Variants in USP32 observed in about 807,000 individuals in gnomAD.
The protein encoded by USP32 is ubiquitin carboxyl-terminal hydrolase 32.
Under a neutral mutation model 204.8 loss-of-function variants are expected in USP32, and 59 were observed. That is an observed-to-expected ratio of 0.29 (90% CI 0.23 to 0.36). The LOEUF is 0.36. USP32 is among the 10% of genes least tolerant of loss of function. USP32 has a pLI of 1.00. For missense variants in USP32, 1,160 were observed against 1,946.4 expected (o/e 0.60, Z 7.60); for synonymous variants, 517 against 678.4 (o/e 0.76, Z 3.70).
At chr17:60,342,442 A>C (rs965742716) in intron 2 of USP32, among the ~76,000 whole-genome samples, 1 of 152,206 alleles carries the variant, frequency 6.6e-6, no homozygotes, top group African/African-American at 2.4e-5. Flanking sequence ...ATGCCGGGAG[A>C]GCCACTGCTC....
chr17:60,214,706 G>A lies in USP32; in HGVS notation c.1936C>T (p.Gln646Ter). ...LAYTGCFSRM[Q>*]TIKEIHEYLS... ...TATTCGTGAATTTCCTTGATGGTCT[G>A]CATTCGACTAAAACAGCCTGTATAG... Residue 646 changes from glutamine (Q) to a stop codon, truncating the protein, a stop_gained, in exon 17 of 34, where the codon CAG (glutamine) becomes TAG (stop). Transcript: ENST00000300896. LOFTEE classifies it high-confidence loss of function. 1 of 1,613,818 alleles carries A rather than the reference G, an allele frequency of 6.2e-7. No individual in the cohort carries two copies. The highest frequency in any genetic ancestry group is 1.7e-5 in the Admixed American group (1 of 60,006).
Position 60,226,195 on chromosome 17 carries a change from A to T in USP32, c.1276T>A (p.Leu426Met). ...CCAAATGAGTATTTTCCTCCATTCA[A>T]AACAGATGATGGCTCAATTACCACA... Reference protein sequence around the residue: ...NPVVIEPSSVLNGGKYSFGTA... With the variant: ...NPVVIEPSSVMNGGKYSFGTA... The change falls in exon 13 of 34, where the codon TTG (leucine) becomes ATG (methionine). Residue 426 changes from leucine to methionine, a missense_variant. This residue lies in a region of USP32 where 536 missense variants were observed against 680.9 expected (regional missense o/e 0.79). Coordinates refer to ENST00000300896, the MANE Select transcript of USP32 (RefSeq NM_032582.4). 2 of 1,570,192 alleles carry T rather than the reference A, an allele frequency of 1.3e-6. No individual in the cohort carries two copies. Among genetic ancestry groups the T allele is most frequent in the Admixed American group, 4.1e-5 (2 of 49,216 alleles).
intron 9 of USP32, chr17:60,256,635 T>C: frequency 2.0e-6 from 2 of 995,034 alleles, no homozygotes; most frequent in Non-Finnish European, 2.4e-6. Context: ...ACATACACGT[T>C]AGGTTAACAG....
chr17:60,419,531 G>A (rs189515932), intron 1 of USP32, among the ~76,000 whole-genome samples: 239 of 152,102 alleles, frequency 1.6e-3, no homozygotes, highest in African/African-American at 5.6e-3. Flanking sequence ...AGGAGATGGA[G>A]GCCATCCTGG....
At chr17:60,250,262 T>C (rs2086133733) in intron 11 of USP32, among the ~76,000 whole-genome samples, 1 of 152,110 alleles carries the variant, frequency 6.6e-6, no homozygotes, top group Non-Finnish European at 1.5e-5. Flanking sequence ...GATGAGATAA[T>C]GTAACTACAT....
At chr17:60,396,031 C>T (rs987729014), upstream of USP32, among the ~76,000 whole-genome samples, 3 of 141,664 alleles carry the variant, frequency 2.1e-5, no homozygotes, top group South Asian at 2.2e-4. Flanking sequence ...GATGTGGTCA[C>T]GTGTATTGTA....
chr17:60,285,239 C>T (rs934039597), intron 5 of USP32, among the ~76,000 whole-genome samples: 2 of 152,154 alleles, frequency 1.3e-5, no homozygotes, highest in Non-Finnish European at 2.9e-5. Flanking sequence ...AGAGTTTACA[C>T]AGTGAGTATA....
intron 5 of USP32, among the ~76,000 whole-genome samples, chr17:60,287,104 C>T (rs978370721): frequency 3.3e-5 from 5 of 152,068 alleles, no homozygotes; most frequent in African/African-American, 1.2e-4. Context: ...GAGCCGAGAT[C>T]GCGCCACTGC....
chr17:60,337,363 G>A (rs2088547287), intron 2 of USP32, among the ~76,000 whole-genome samples: 1 of 152,074 alleles, frequency 6.6e-6, no homozygotes, highest in African/African-American at 2.4e-5. Context: ...TCTAGAAAAA[G>A]GTTAAGTGTT....
chr17:60,315,703 A>G (rs1368608245), intron 2 of USP32: 2 of 152,230 alleles, frequency 1.3e-5, no homozygotes, highest in African/African-American at 4.8e-5. Flanking sequence ...TGTGGTATAT[A>G]CACACAGTGA....
chr17:60,419,823 T>A (rs1275418345), intron 1 of USP32, among the ~76,000 whole-genome samples: 5 of 53,314 alleles, frequency 9.4e-5, no homozygotes, highest in Non-Finnish European at 1.6e-4. Flanking sequence ...AAAAAATTAT[T>A]ATTATTATTA....
intron 1 of USP32, among the ~76,000 whole-genome samples, chr17:60,410,347 G>C (rs1403069627): frequency 6.6e-6 from 1 of 151,908 alleles, no homozygotes; most frequent in African/African-American, 2.4e-5. Context: ...CCATTCCCTA[G>C]TCTCCTGCCC....
At chr17:60,285,644 G>C (rs369427451) in intron 5 of USP32, among the ~76,000 whole-genome samples, 2 of 152,222 alleles carry the variant, frequency 1.3e-5, no homozygotes, top group East Asian at 1.9e-4. Context: ...ATAATACAAA[G>C]ATGAATAGGA....
chr17:60,251,809 TAATA>T (rs1174946379), intron 11 of USP32, among the ~76,000 whole-genome samples: 1 of 152,040 alleles, frequency 6.6e-6, no homozygotes, highest in Non-Finnish European at 1.5e-5. Flanking sequence ...TAAAAAAGAA[TAATA>T]GAGAATGAAC....
At chr17:60,345,744 G>A in intron 1 of USP32, 136 bp from the exon 2 acceptor site, 1 of 1,086,424 alleles carries the variant, frequency 9.2e-7, no homozygotes, top group South Asian at 1.4e-5. Context: ...TACTTTGGAA[G>A]GCCAAGGCAG....
intron 1 of USP32, among the ~76,000 whole-genome samples, chr17:60,417,291 G>GT (rs1462857692): frequency 6.6e-6 from 1 of 151,890 alleles, no homozygotes; most frequent in Non-Finnish European, 1.5e-5. Flanking sequence ...GTCCACTTAT[G>GT]AAGTGTAGCA....
chr17:60,291,893 G>A (rs2087286997), intron 4 of USP32, among the ~76,000 whole-genome samples: 1 of 151,710 alleles, frequency 6.6e-6, no homozygotes, highest in Non-Finnish European at 1.5e-5. Context: ...TGTCTTTATT[G>A]TAGTAACTTC....
At chr17:60,194,099 G>A (rs187142130) in intron 27 of USP32, among the ~76,000 whole-genome samples, 4 of 152,010 alleles carry the variant, frequency 2.6e-5, no homozygotes, top group Admixed American at 2.6e-4. Flanking sequence ...CTGGAGTGCA[G>A]TGGCGCAATT....
At chr17:60,333,660 A>T (rs1036456872) in intron 2 of USP32, among the ~76,000 whole-genome samples, 2 of 144,726 alleles carry the variant, frequency 1.4e-5, no homozygotes, top group Non-Finnish European at 3.0e-5. Flanking sequence ...AGGGAGGGAG[A>T]GAAGGGAAGG....
Sources: allele counts gnomAD v4.1 joint callset (sites outside exome capture counted in the v4.1 genomes callset), GRCh38; gene constraint gnomAD v4.1.1; regional missense constraint gnomAD v4.1.1; transcripts MANE v1.5; gene names NCBI Gene and HGNC (gene_info 2026-07-23, HGNC 2026-07-21).